HSPA4: variants seen among roughly 807,000 people sequenced by gnomAD.
The protein encoded by HSPA4 is heat shock 70 kDa protein 4.
Under a neutral mutation model 106.2 loss-of-function variants are expected in HSPA4, and 25 were observed. That is an observed-to-expected ratio of 0.24 (90% CI 0.17 to 0.33). HSPA4 has a LOEUF of 0.33. Among genes scored for constraint, HSPA4 ranks in the 10% least tolerant of loss-of-function variants. The pLI, the probability that HSPA4 is intolerant of heterozygous loss-of-function variation, is 1.00. For synonymous variants in HSPA4, 332 were observed against 333.6 expected, an observed-to-expected ratio of 1.00 and a Z score of 0.05; for missense variants, 841 against 996.0, an observed-to-expected ratio of 0.84 and a Z score of 2.10.
At chr5:133,056,496 C>T (rs1218083952) in intron 1 of HSPA4, among the ~76,000 whole-genome samples, 1 of 152,188 alleles carries the variant, frequency 6.6e-6, no homozygotes, top group African/African-American at 2.4e-5. Context: ...GTCTCAAACT[C>T]CTGGTCTCAA....
intron 11 of HSPA4, 30 bp from the exon 12 acceptor site, chr5:133,091,163 T>C (rs763572096): frequency 1.5e-5 from 23 of 1,562,486 alleles, no homozygotes; most frequent in Middle Eastern, 1.7e-4. Context: ...TCTTAGGTTA[T>C]GTGTTCTTTT....
intron 7 of HSPA4, among the ~76,000 whole-genome samples, chr5:133,083,277 A>C (rs1173092216): frequency 1.3e-5 from 2 of 151,992 alleles, no homozygotes; most frequent in African/African-American, 2.4e-5. Context: ...GTGCCACTGC[A>C]CTCCAGCCTG....
intron 7 of HSPA4, among the ~76,000 whole-genome samples, chr5:133,084,217 AT>A (rs1233617988): frequency 6.6e-6 from 1 of 152,144 alleles, no homozygotes; most frequent in African/African-American, 2.4e-5. Flanking sequence ...TGTGTAAGGC[AT>A]TTTTTAGTCA....
intron 1 of HSPA4, among the ~76,000 whole-genome samples, chr5:133,060,233 C>T (rs937529597): frequency 6.6e-6 from 1 of 151,932 alleles, no homozygotes; most frequent in African/African-American, 2.4e-5. Context: ...TAAACTTGTA[C>T]CAAGAAGCAT....
In HSPA4 at chr5:133,067,643, A is replaced by G. The variant is rs143468840; in HGVS notation, c.306+86A>G. The G allele has an allele frequency of 1.3e-4, 159 of 1,191,652 alleles. No individual in the cohort carries two copies. In the East Asian group the frequency reaches 3.8e-3, roughly 28 times the overall value. 73.8% of individuals were successfully genotyped at this position (1,191,652 alleles called of 1,614,324 possible). A position where few individuals can be genotyped will look rare whatever the true frequency, so the allele number is the denominator to read the frequency against. On this transcript the variant is annotated intron_variant, in intron 3 of 18. Coordinates refer to ENST00000304858, the MANE Select transcript of HSPA4 (RefSeq NM_002154.4). ...TATCTATCTGTACTTTTCTGATGTC[A>G]GATTGCAATGAAAATGCTTACAGTT...
chr5:133,097,405 T>G (rs2126715521), intron 15 of HSPA4, 119 bp downstream of exon 15: 2 of 770,870 alleles, frequency 2.6e-6, no homozygotes, highest in South Asian at 3.0e-5. Flanking sequence ...GGAGTTTTTC[T>G]GGGGGGGGCA....
chr5:133,089,222 A>G (rs1765615117), intron 10 of HSPA4, 61 bp downstream of exon 10: 5 of 916,826 alleles, frequency 5.5e-6, no homozygotes, highest in South Asian at 5.3e-5. Flanking sequence ...TCTGAGTAAT[A>G]TGTTGCTTTT....
intron 2 of HSPA4, 30 bp from the exon 3 acceptor site, chr5:133,067,387 C>T (rs778764943): frequency 1.3e-6 from 2 of 1,577,522 alleles, no homozygotes; most frequent in East Asian, 2.2e-5. Flanking sequence ...TAGTAGTAGT[C>T]TTTCCACTCT....
At chr5:133,054,493 C>T (rs948100894) in intron 1 of HSPA4, among the ~76,000 whole-genome samples, 3 of 152,108 alleles carry the variant, frequency 2.0e-5, no homozygotes, top group Non-Finnish European at 2.9e-5. Context: ...AGTGAGCCAC[C>T]GCACCTGGCA....
Position 133,103,861 on chromosome 5 carries a change from G to A in HSPA4, c.2158-4G>A, listed in dbSNP as rs371323090. The A allele has an allele frequency of 1.2e-5, 19 of 1,611,628 alleles. No homozygotes were observed. Among genetic ancestry groups the A allele is most frequent in the Non-Finnish European group, 1.6e-5 (19 of 1,178,968 alleles). On this transcript the variant is annotated splice_polypyrimidine_tract_variant and splice_region_variant and intron_variant, in intron 17 of 18. Transcript: ENST00000304858. Reference sequence around the variant, plus strand: ...GCACTTGTTTGACTGTCTCCTGGTTGCAGGAGGACCAGTATGATCATTTGG... The same window carrying A: ...GCACTTGTTTGACTGTCTCCTGGTTACAGGAGGACCAGTATGATCATTTGG...
intron 4 of HSPA4, among the ~76,000 whole-genome samples, chr5:133,071,774 C>G (rs1765385296): frequency 6.6e-6 from 1 of 152,156 alleles, no homozygotes; most frequent in African/African-American, 2.4e-5. Flanking sequence ...GTAGAATTGA[C>G]ATTTGTCAGA....
At chr5:133,101,538 G>A (rs1023710418) in intron 16 of HSPA4, 5 of 418,600 alleles carry the variant, frequency 1.2e-5, no homozygotes, top group Non-Finnish European at 2.1e-5. Context: ...GTGTTTTGAG[G>A]GCTCAGGTGA....
chr5:133,103,135 C>T (rs1765810161), intron 17 of HSPA4, among the ~76,000 whole-genome samples: 1 of 151,308 alleles, frequency 6.6e-6, no homozygotes, highest in Admixed American at 6.6e-5. Flanking sequence ...GATCGTAGTT[C>T]ACTGCATCCT....
At chr5:133,091,065 G>T (rs1481576912) in intron 11 of HSPA4, 128 bp from the exon 12 acceptor site, 3 of 809,996 alleles carry the variant, frequency 3.7e-6, no homozygotes, top group Non-Finnish European at 6.6e-6. Context: ...GACCGATTTT[G>T]CTTATTTTAA....
chr5:133,086,405 A>T (rs929581178), intron 7 of HSPA4, among the ~76,000 whole-genome samples: 1 of 152,214 alleles, frequency 6.6e-6, no homozygotes, highest in East Asian at 1.9e-4. Context: ...GATATGTATT[A>T]GTTCCTCTTA....
intron 1 of HSPA4, among the ~76,000 whole-genome samples, chr5:133,060,829 T>C (rs1366950423): frequency 6.7e-6 from 1 of 150,172 alleles, no homozygotes; most frequent in Non-Finnish European, 1.5e-5. Context: ...TTTTTTTTTT[T>C]TTTTTTTTGA....
At chr5:133,070,242 T>C in intron 3 of HSPA4, 132 bp from the exon 4 acceptor site, 1 of 849,700 alleles carries the variant, frequency 1.2e-6, no homozygotes, top group East Asian at 3.0e-5. Context: ...AAACTAGCTT[T>C]TTTTTTTTTT....
chr5:133,078,394 A>G (rs1277629582), intron 7 of HSPA4, among the ~76,000 whole-genome samples: 1 of 151,820 alleles, frequency 6.6e-6, no homozygotes, highest in East Asian at 1.9e-4. Flanking sequence ...TAATCCCAGC[A>G]CTTTGGGAGG....
chr5:133,058,413 C>G (rs1172249532), intron 1 of HSPA4, among the ~76,000 whole-genome samples: 1 of 152,156 alleles, frequency 6.6e-6, no homozygotes, highest in Non-Finnish European at 1.5e-5. Context: ...CACAGTGGCT[C>G]ACGCCTGTAA....
Sources: gnomAD v4.1 joint callset for allele counts (sites outside exome capture counted in the v4.1 genomes callset) on GRCh38, gnomAD v4.1.1 for gene constraint, MANE v1.5 for transcripts, NCBI Gene and HGNC (gene_info 2026-07-23, HGNC 2026-07-21) for gene names.